Variants in STK31 observed in about 807,000 individuals in gnomAD.
STK31 encodes serine/threonine kinase 31.
A neutral mutation model predicts 129.7 loss-of-function variants in STK31; 89 were observed. The observed-to-expected ratio is 0.69, with a 90% confidence interval of 0.58 to 0.82. The LOEUF (loss-of-function observed/expected upper bound fraction) is 0.82. Among genes scored for constraint, STK31 ranks in the 40% least tolerant of loss-of-function variants. The probability of loss-of-function intolerance (pLI) is 0.00; values close to 1 mark genes in which losing one functional copy is unlikely to be tolerated. For synonymous variants in STK31, 448 were observed against 395.3 expected, an observed-to-expected ratio of 1.13 and a Z score of -1.58; for missense variants, 1,187 against 1,176.4, an observed-to-expected ratio of 1.01 and a Z score of -0.13.
At chr7:23,780,307 A>C (rs1408403625) in intron 15 of STK31, among the ~76,000 whole-genome samples, 1 of 152,166 alleles carries the variant, frequency 6.6e-6, no homozygotes, top group Non-Finnish European at 1.5e-5. Context: ...TGGATCCTTG[A>C]AATCTGACTT....
chr7:23,725,886 G>T, intron 4 of STK31: 1 of 152,176 alleles, frequency 6.6e-6, no homozygotes, highest in East Asian at 1.9e-4. Context: ...AGGGACTCAG[G>T]GTGCTTCCAC....
upstream of STK31, chr7:23,710,213 G>T (rs3807888): frequency 0.14 from 218,027 of 1,609,088 alleles, 15,382 homozygotes; most frequent in East Asian, 0.2. Flanking sequence ...GCAGTGTGGG[G>T]CCCTTGCGGT....
At chr7:23,779,947 A>G (rs1369668695) in intron 15 of STK31, among the ~76,000 whole-genome samples, 1 of 152,124 alleles carries the variant, frequency 6.6e-6, no homozygotes. Flanking sequence ...TTGTGCTTGA[A>G]ACCCAGGGCA....
At chr7:23,831,310 A>G (rs186393028) in intron 23 of STK31, among the ~76,000 whole-genome samples, 1 of 152,290 alleles carries the variant, frequency 6.6e-6, no homozygotes, top group Admixed American at 6.5e-5. Context: ...GTATATGTTT[A>G]GAATTGTTAC....
At chr7:23,826,924 C>G (rs1794190693) in intron 23 of STK31, among the ~76,000 whole-genome samples, 1 of 152,114 alleles carries the variant, frequency 6.6e-6, no homozygotes, top group Non-Finnish European at 1.5e-5. Context: ...TATTGGCCCC[C>G]ACTCTCTTCT....
intron 11 of STK31, among the ~76,000 whole-genome samples, chr7:23,763,803 A>C (rs892324413): frequency 6.8e-6 from 1 of 147,908 alleles, no homozygotes; most frequent in Non-Finnish European, 1.5e-5. Context: ...TTCATTTTCA[A>C]ATGTTTTCAT....
intron 22 of STK31, among the ~76,000 whole-genome samples, chr7:23,802,726 C>G (rs1792457749): frequency 6.6e-6 from 1 of 152,160 alleles, no homozygotes; most frequent in African/African-American, 2.4e-5. Context: ...GTTGACCAGG[C>G]TGGTCTCGAA....
At chr7:23,729,361 G>C in intron 6 of STK31, 112 bp downstream of exon 6, 1 of 940,384 alleles carries the variant, frequency 1.1e-6, no homozygotes, top group Non-Finnish European at 1.5e-6. Context: ...ATAAATTAGT[G>C]AAAAATAGGA....
At chr7:23,738,700 C>A (rs1280651482) in intron 8 of STK31, among the ~76,000 whole-genome samples, 1 of 152,094 alleles carries the variant, frequency 6.6e-6, no homozygotes, top group Non-Finnish European at 1.5e-5. Flanking sequence ...GCATTACAGG[C>A]ACCCGCCGCC....
intron 10 of STK31, among the ~76,000 whole-genome samples, chr7:23,760,171 T>G (rs1206507486): frequency 2.0e-5 from 3 of 152,242 alleles, no homozygotes; most frequent in Non-Finnish European, 2.9e-5. Context: ...CCTGTTTTTC[T>G]TGTAAACCAT....
intron 22 of STK31, among the ~76,000 whole-genome samples, chr7:23,808,520 C>T (rs147975958): frequency 2.6e-5 from 4 of 152,048 alleles, no homozygotes; most frequent in Non-Finnish European, 4.4e-5. Flanking sequence ...AATGCTGACT[C>T]GTACTACTTC....
intron 22 of STK31, among the ~76,000 whole-genome samples, chr7:23,803,077 T>C (rs1020417820): frequency 6.6e-6 from 1 of 152,218 alleles, no homozygotes; most frequent in Non-Finnish European, 1.5e-5. Context: ...CTATTGTGTT[T>C]TTTAAAAATT....
chr7:23,820,670 C>T (rs1793738045), intron 23 of STK31, among the ~76,000 whole-genome samples: 1 of 152,150 alleles, frequency 6.6e-6, no homozygotes, highest in Non-Finnish European at 1.5e-5. Context: ...TCTTCACCCC[C>T]TTCCACCTCA....
At chr7:23,807,116 A>T (rs1792762106) in intron 22 of STK31, among the ~76,000 whole-genome samples, 1 of 152,040 alleles carries the variant, frequency 6.6e-6, no homozygotes, top group Non-Finnish European at 1.5e-5. Flanking sequence ...TTTGTTTTTT[A>T]AGATAGTCTA....
chr7:23,724,588 A>T (rs781185193), intron 4 of STK31, among the ~76,000 whole-genome samples: 3 of 152,372 alleles, frequency 2.0e-5, no homozygotes, highest in Admixed American at 2.0e-4. Flanking sequence ...ATACCAAATT[A>T]TTAATCATAT....
Position 23,769,751 on chromosome 7 carries a change from C to A in STK31, c.1708C>A (p.Leu570Met). 6.3e-7 allele frequency: 1 copy of A among 1,597,488 alleles called. No homozygotes were observed. The highest frequency in any genetic ancestry group is 1.1e-5 in the South Asian group (1 of 89,080). Residue 570 changes from leucine to methionine, a missense_variant, in exon 13 of 24, where the codon CTG becomes ATG. By Grantham distance (15) the Leu-to-Met change is conservative (BLOSUM62 2). Around this residue, in one of 5 missense-constraint regions of STK31, gnomAD observed 975 missense variants for 934.9 expected, o/e 1.04. Coordinates refer to ENST00000355870, the MANE Select transcript of STK31 (RefSeq NM_031414.5). The stretch of plus-strand genomic sequence containing the variant: ...TGTCTGCAAAGAGCTGGAGATAGCT[C>A]TGGTTGTGAGTATCGATATTCTTTA... The part of the protein sequence containing the change: ...SSVCKELEIA[L>M]VDQGDADKEI...
chr7:23,789,778 A>G (rs1791506721), intron 21 of STK31, among the ~76,000 whole-genome samples: 1 of 152,178 alleles, frequency 6.6e-6, no homozygotes, highest in South Asian at 2.1e-4. Flanking sequence ...ATAATTATAG[A>G]TATGACTACA....
intron 4 of STK31, among the ~76,000 whole-genome samples, chr7:23,725,432 A>G (rs2128070461): frequency 6.6e-6 from 1 of 151,012 alleles, no homozygotes; most frequent in East Asian, 2.0e-4. Flanking sequence ...AACCCCAGAT[A>G]TTTGGGAGGC....
rs760611451 is a variant in STK31, at chr7:23,808,009, C to G, written c.2761-7135C>G. Among the ~76,000 whole-genome samples, 52 of 151,802 alleles carry G rather than the reference C, an allele frequency of 3.4e-4. 2 individuals are homozygous for G. Among genetic ancestry groups the G allele is most frequent in the African/African-American group, 1.2e-3 (48 of 41,454 alleles). The stretch of plus-strand genomic sequence containing the variant: ...CGTTTTAAAATCCTTCTCAGATAAT[C>G]ACAACATCTGTTCTATTTGGTGTCC... On this transcript the variant is annotated intron_variant, in intron 22 of 23. Coordinates refer to ENST00000355870, the MANE Select transcript of STK31 (RefSeq NM_031414.5).
Sources: allele counts gnomAD v4.1 joint callset (sites outside exome capture counted in the v4.1 genomes callset), GRCh38; gene constraint gnomAD v4.1.1; regional missense constraint gnomAD v4.1.1; transcripts MANE v1.5; gene names NCBI Gene and HGNC (gene_info 2026-07-23, HGNC 2026-07-21).